CELF4: variants seen among roughly 807,000 people sequenced by gnomAD.
The protein encoded by CELF4 is CUGBP Elav-like family member 4.
A neutral mutation model predicts 59.9 loss-of-function variants in CELF4; 18 were observed. That is an observed-to-expected ratio of 0.30 (90% confidence interval 0.21 to 0.45). The LOEUF (loss-of-function observed/expected upper bound fraction) is 0.45, where lower values mean the gene tolerates loss of function less well. Among genes scored for constraint, CELF4 ranks in the 20% least tolerant of loss-of-function variants. CELF4 has a pLI of 1.00. For missense variants in CELF4, 456 were observed against 689.0 expected, an observed-to-expected ratio of 0.66 and a Z score of 3.79; for synonymous variants, 261 against 267.1, an observed-to-expected ratio of 0.98 and a Z score of 0.22.
At chr18:37,398,668 C>A (rs1189235745) in intron 2 of CELF4, among the ~76,000 whole-genome samples, 1 of 152,180 alleles carries the variant, frequency 6.6e-6, no homozygotes, top group Non-Finnish European at 1.5e-5. Flanking sequence ...GCCAGGGACA[C>A]GTACCAGCCA....
intron 1 of CELF4, among the ~76,000 whole-genome samples, chr18:37,549,150 C>T (rs763163346): frequency 6.6e-6 from 1 of 152,210 alleles, no homozygotes; most frequent in Non-Finnish European, 1.5e-5. Flanking sequence ...TGCCCAAAGC[C>T]AGATTTATTA....
At chr18:37,439,084 G>C (rs1428943412) in intron 2 of CELF4, among the ~76,000 whole-genome samples, 1 of 152,126 alleles carries the variant, frequency 6.6e-6, no homozygotes, top group Non-Finnish European at 1.5e-5. Flanking sequence ...GGGCCCCAGG[G>C]ACTCTCCAGG....
At chr18:37,273,907 GA>G (rs1342091823) in intron 6 of CELF4, 1 of 1,038,562 alleles carries the variant, frequency 9.6e-7, no homozygotes, top group Admixed American at 5.7e-5. Context: ...GCCCTGCCAG[GA>G]GAGACCAGAA....
chr18:37,520,773 A>G lies in CELF4; in HGVS notation c.287-35166T>C, dbSNP rs79880605. Among the ~76,000 whole-genome samples the G allele has an allele frequency of 3.4e-3, 518 of 152,278 alleles. 2 individuals carry two copies. The highest frequency in any genetic ancestry group is 0.012 in the African/African-American group (488 of 41,558). The stretch of plus-strand genomic sequence containing the variant: ...AGAGGGGACAGTCTTATGATGTCAT[A>G]TATTTCTGGGCTGTCCTTCTGTTCC... On this transcript the variant is annotated intron_variant, in intron 1 of 12. Coordinates refer to ENST00000420428, the MANE Select transcript of CELF4 (RefSeq NM_020180.4).
intron 1 of CELF4, among the ~76,000 whole-genome samples, chr18:37,526,669 A>G (rs2099964163): frequency 6.6e-6 from 1 of 152,204 alleles, no homozygotes; most frequent in Non-Finnish European, 1.5e-5. Context: ...CTGCCTCAGG[A>G]TCATGTTAGG....
At chr18:37,553,237 C>T (rs1490128980) in intron 1 of CELF4, among the ~76,000 whole-genome samples, 1 of 152,038 alleles carries the variant, frequency 6.6e-6, no homozygotes, top group Non-Finnish European at 1.5e-5. Context: ...ATAAGCCAGT[C>T]ATACTCTGTG....
intron 1 of CELF4, among the ~76,000 whole-genome samples, chr18:37,527,182 T>A (rs56024488): frequency 0.075 from 11,368 of 151,946 alleles, 634 homozygotes; most frequent in East Asian, 0.29. Flanking sequence ...GCAAGCCCTG[T>A]GCTTTGTAGA....
intron 2 of CELF4, among the ~76,000 whole-genome samples, chr18:37,325,485 C>T (rs1298006956): frequency 6.6e-6 from 1 of 152,208 alleles, no homozygotes; most frequent in East Asian, 1.9e-4. Flanking sequence ...GATGCCACCC[C>T]AGTTGCAGGC....
At chr18:37,538,497 T>A (rs903136151) in intron 1 of CELF4, among the ~76,000 whole-genome samples, 3 of 152,218 alleles carry the variant, frequency 2.0e-5, no homozygotes, top group Admixed American at 6.5e-5. Flanking sequence ...CCTCCCTTTT[T>A]GCTTTTCTGA....
intron 3 of CELF4, among the ~76,000 whole-genome samples, chr18:37,303,254 C>T (rs889935152): frequency 6.6e-6 from 1 of 152,072 alleles, no homozygotes; most frequent in African/African-American, 2.4e-5. Context: ...GCTCTGTTCC[C>T]TCCTCCCACC....
intron 2 of CELF4, among the ~76,000 whole-genome samples, chr18:37,342,256 C>CAG (rs1364305743): frequency 5.3e-5 from 8 of 152,082 alleles, no homozygotes; most frequent in Admixed American, 4.6e-4. Context: ...CACACACACA[C>CAG]ACACACACAC....
chr18:37,545,254 G>A (rs2099980644), intron 1 of CELF4, among the ~76,000 whole-genome samples: 2 of 152,190 alleles, frequency 1.3e-5, no homozygotes, highest in African/African-American at 4.8e-5. Flanking sequence ...GCCTCCAGAT[G>A]AGCGAATGGG....
chr18:37,540,524 G>A (rs926147396), intron 1 of CELF4, among the ~76,000 whole-genome samples: 7 of 152,162 alleles, frequency 4.6e-5, no homozygotes, highest in Admixed American at 2.0e-4. Flanking sequence ...TGGCTGGGTC[G>A]GGATATGTGG....
intron 2 of CELF4, among the ~76,000 whole-genome samples, chr18:37,384,980 CT>C (rs1465194787): frequency 6.6e-6 from 1 of 152,202 alleles, no homozygotes; most frequent in Admixed American, 6.5e-5. Context: ...CATTCCAAGC[CT>C]TTTCTCCCTT....
chr18:37,556,296 G>A (rs1026914295), intron 1 of CELF4, among the ~76,000 whole-genome samples: 3 of 152,214 alleles, frequency 2.0e-5, no homozygotes, highest in Non-Finnish European at 4.4e-5. Flanking sequence ...GCTACTCTGA[G>A]CCTCAGTCTC....
At chr18:37,420,781 G>C (rs2154593720) in intron 2 of CELF4, among the ~76,000 whole-genome samples, 1 of 152,310 alleles carries the variant, frequency 6.6e-6, no homozygotes, top group Middle Eastern at 3.4e-3. Context: ...CTGCAAGCCA[G>C]GCACAAGCCA....
intron 12 of CELF4, among the ~76,000 whole-genome samples, chr18:37,247,710 C>T (rs563137986): frequency 7.4e-4 from 112 of 152,014 alleles, no homozygotes; most frequent in African/African-American, 2.2e-3. Context: ...ACACTGTGAA[C>T]AGAAGCAGAA....
At chr18:37,494,570 A>G (rs535430841) in intron 1 of CELF4, among the ~76,000 whole-genome samples, 1 of 152,346 alleles carries the variant, frequency 6.6e-6, no homozygotes, top group African/African-American at 2.4e-5. Context: ...TTGATTTGCC[A>G]GAGTGCTGTC....
intron 3 of CELF4, among the ~76,000 whole-genome samples, chr18:37,297,042 C>T (rs993900776): frequency 2.0e-5 from 3 of 152,004 alleles, no homozygotes; most frequent in Non-Finnish European, 2.9e-5. Flanking sequence ...ATGTTGACAG[C>T]GAGCAGGGAG....
Sources: allele counts gnomAD v4.1 joint callset (sites outside exome capture counted in the v4.1 genomes callset), GRCh38; gene constraint gnomAD v4.1.1; transcripts MANE v1.5; gene names NCBI Gene and HGNC (gene_info 2026-07-23, HGNC 2026-07-21).